PTPN3: variants seen among roughly 807,000 people sequenced by gnomAD.
The protein encoded by PTPN3 is tyrosine-protein phosphatase non-receptor type 3.
PTPN3 carries 96 observed loss-of-function variants against 132.7 expected under a neutral mutation model. The observed-to-expected ratio is 0.72, with a 90% CI of 0.61 to 0.86. The LOEUF is 0.86. Ranked by LOEUF, PTPN3 falls within the 40% of genes least tolerant of loss-of-function variation. The pLI is 0.00. For missense variants in PTPN3, 1,125 were observed against 1,159.6 expected (o/e 0.97, Z 0.43); for synonymous variants, 398 against 429.0 (o/e 0.93, Z 0.89).
upstream of PTPN3, among the ~76,000 whole-genome samples, chr9:109,500,799 C>T (rs992518706): frequency 6.6e-6 from 1 of 151,806 alleles, no homozygotes; most frequent in African/African-American, 2.4e-5. Flanking sequence ...TGGTGGCATG[C>T]ACCTGTGGCC....
chr9:109,448,727 G>T, intron 6 of PTPN3, 84 bp downstream of exon 6: 1 of 1,320,596 alleles, frequency 7.6e-7, no homozygotes, highest in Non-Finnish European at 1.1e-6. Context: ...ATTTGATATT[G>T]TTACCAGAAA....
chr9:109,484,069 T>C (rs1319520885), intron 1 of PTPN3, among the ~76,000 whole-genome samples: 3 of 152,232 alleles, frequency 2.0e-5, no homozygotes, highest in African/African-American at 7.2e-5. Flanking sequence ...TGCCATCTTT[T>C]GGTGCCTTTG....
intron 14 of PTPN3, among the ~76,000 whole-genome samples, chr9:109,415,597 G>C (rs1024033118): frequency 2.2e-4 from 33 of 152,196 alleles, no homozygotes; most frequent in Non-Finnish European, 3.7e-4. Flanking sequence ...CCAAAGACAG[G>C]GGAACGATTT....
intron 1 of PTPN3, among the ~76,000 whole-genome samples, chr9:109,474,194 G>C (rs1275394061): frequency 2.0e-5 from 3 of 152,068 alleles, no homozygotes; most frequent in East Asian, 1.9e-4. Flanking sequence ...CAGCCCATGG[G>C]GGGGTTTTAA....
At chr9:109,433,278 A>G (rs1843790103) in intron 9 of PTPN3, 117 bp from the exon 10 acceptor site, 1 of 1,413,466 alleles carries the variant, frequency 7.1e-7, no homozygotes, top group African/African-American at 1.4e-5. Flanking sequence ...CAAATGGGAA[A>G]ATGCTACTGA....
At chr9:109,535,034 G>A in the PTPN3 span, among the ~76,000 whole-genome samples, 1 of 152,218 alleles carries the variant, frequency 6.6e-6, no homozygotes, top group Admixed American at 6.5e-5. Context: ...TTTGGAGGAA[G>A]ATGAAGTGGG....
intron 6 of PTPN3, among the ~76,000 whole-genome samples, chr9:109,448,336 C>T (rs991723251): frequency 3.9e-5 from 6 of 152,152 alleles, no homozygotes; most frequent in African/African-American, 1.2e-4. Flanking sequence ...CAGGGACCAT[C>T]GGCTTGGAAT....
At chr9:109,526,341 T>C in the PTPN3 span, among the ~76,000 whole-genome samples, 1 of 89,014 alleles carries the variant, frequency 1.1e-5, no homozygotes, top group African/African-American at 4.2e-5. Context: ...TCAGCAAGTT[T>C]TTTTTTTTTT....
intron 1 of PTPN3, among the ~76,000 whole-genome samples, chr9:109,480,356 G>T (rs1475494009): frequency 2.0e-5 from 3 of 151,928 alleles, no homozygotes; most frequent in Admixed American, 6.6e-5. Context: ...GTAGAGACGG[G>T]GTTTCACCAT....
intron 21 of PTPN3, among the ~76,000 whole-genome samples, chr9:109,390,876 G>A (rs10512393): frequency 0.44 from 67,321 of 151,976 alleles, 15,204 homozygotes; most frequent in South Asian, 0.67. Context: ...GCATGTGGAC[G>A]ATTGAATTAG....
At position 109,438,284 on chromosome 9, in the gene PTPN3, T is replaced by G. The variant is rs1179096988; in HGVS notation, c.467-50A>C. 7 of 1,568,530 alleles carry G rather than the reference T, an allele frequency of 4.5e-6. No individual in the cohort carries two copies. In the Admixed American group the frequency reaches 1.1e-4, roughly 24 times the overall value. The stretch of plus-strand genomic sequence containing the variant: ...ATCATAATTAGTTTTGCCTTTTTAA[T>G]ATGGTTTGCATTTATAAGCATCTAC... On this transcript the variant is annotated intron_variant, in intron 7 of 25. Coordinates refer to ENST00000374541, the MANE Select transcript of PTPN3 (RefSeq NM_002829.4).
At chr9:109,413,249 C>T (rs534999731) in intron 14 of PTPN3, among the ~76,000 whole-genome samples, 160 of 152,206 alleles carry the variant, frequency 1.1e-3, no homozygotes, top group African/African-American at 3.5e-3. Context: ...CCACCGTGCC[C>T]GGCCTGCCCT....
the PTPN3 span, among the ~76,000 whole-genome samples, chr9:109,510,545 C>A: frequency 2.1e-5 from 2 of 93,290 alleles, no homozygotes; most frequent in Non-Finnish European, 4.3e-5. Flanking sequence ...GCAACAAGAG[C>A]GAAACTTTGT....
chr9:109,409,730 G>C (rs1647342116), intron 16 of PTPN3, among the ~76,000 whole-genome samples: 1 of 152,156 alleles, frequency 6.6e-6, no homozygotes, highest in African/African-American at 2.4e-5. Context: ...AGGATCACCT[G>C]AGCCTGGGGA....
At chr9:109,435,991 T>C (rs1844021908) in intron 9 of PTPN3, among the ~76,000 whole-genome samples, 1 of 152,260 alleles carries the variant, frequency 6.6e-6, no homozygotes, top group Non-Finnish European at 1.5e-5. Flanking sequence ...TCTGATCATT[T>C]ACTCAATCTC....
chr9:109,461,285 A>T (rs1845831888), intron 2 of PTPN3, among the ~76,000 whole-genome samples: 1 of 152,194 alleles, frequency 6.6e-6, no homozygotes. Context: ...ACAGATTCTC[A>T]GGCCCCACCC....
intron 1 of PTPN3, among the ~76,000 whole-genome samples, chr9:109,483,297 A>T (rs941040737): frequency 1.3e-5 from 2 of 152,204 alleles, no homozygotes; most frequent in African/African-American, 2.4e-5. Flanking sequence ...GTCCACAGCG[A>T]CAGGCTCCAG....
chr9:109,486,303 C>T (rs1203251851), intron 1 of PTPN3, among the ~76,000 whole-genome samples: 2 of 152,184 alleles, frequency 1.3e-5, no homozygotes, highest in Non-Finnish European at 1.5e-5. Context: ...GGAGCCTGCA[C>T]AGAATGAGGT....
intron 1 of PTPN3, among the ~76,000 whole-genome samples, chr9:109,474,646 T>G (rs1321204812): frequency 6.6e-6 from 1 of 152,186 alleles, no homozygotes; most frequent in African/African-American, 2.4e-5. Flanking sequence ...ACGCATGGTA[T>G]GGGAACTCCA....
Sources: gnomAD v4.1 joint callset for allele counts (sites outside exome capture counted in the v4.1 genomes callset) on GRCh38, gnomAD v4.1.1 for gene constraint, MANE v1.5 for transcripts, NCBI Gene and HGNC (gene_info 2026-07-23, HGNC 2026-07-21) for gene names.